The following RASSF8 variants were observed in gnomAD, a reference collection of about 807,000 sequenced individuals.
RASSF8 encodes ras association domain-containing protein 8.
RASSF8 carries 22 observed loss-of-function variants against 48.5 expected under a neutral mutation model. The ratio of observed to expected loss-of-function variants is 0.45; its 90% CI spans 0.32 to 0.65. RASSF8 has a LOEUF of 0.65. RASSF8 is among the 30% of genes least tolerant of loss of function. RASSF8 has a pLI of 0.03. For missense variants in RASSF8, 418 were observed against 489.2 expected (o/e 0.85, Z 1.37); for synonymous variants, 127 against 171.5 (o/e 0.74, Z 2.03).
rs1309077276 is a variant in RASSF8, at chr12:26,070,483, A to G, written c.*1665A>G. 1.0e-6 allele frequency: 1 copy of G among 985,010 alleles called. No individual in the cohort carries two copies. The highest frequency in any genetic ancestry group is 1.2e-6 in the Non-Finnish European group (1 of 829,662). 61.0% of individuals were successfully genotyped at this position (985,010 alleles called of 1,614,324 possible). A position where few individuals can be genotyped will look rare whatever the true frequency, so the allele number is the denominator to read the frequency against. ...TGAGTTTCTTTGGGTTCTTGGAGTTATCAAATTGATCTTGCCATTATGTTA... is the reference window on the plus strand; with the variant it reads ...TGAGTTTCTTTGGGTTCTTGGAGTTGTCAAATTGATCTTGCCATTATGTTA... On this transcript the variant is annotated 3_prime_UTR_variant, in exon 6 of 6. Coordinates refer to ENST00000689635, the MANE Select transcript of RASSF8 (RefSeq NM_001394098.1).
intron 1 of RASSF8, among the ~76,000 whole-genome samples, chr12:25,988,018 A>AT (rs758560310): frequency 0.12 from 16,290 of 137,828 alleles, 994 homozygotes; most frequent in Middle Eastern, 0.14. Flanking sequence ...TGCCTGGCTA[A>AT]TTTTTTTTTT....
chr12:26,031,187 A>AT (rs918344524), intron 2 of RASSF8, among the ~76,000 whole-genome samples: 140 of 150,410 alleles, frequency 9.3e-4, no homozygotes, highest in South Asian at 3.6e-3. Context: ...CCCCTGCCCC[A>AT]TTTTTTTTTG....
chr12:26,060,814 AAAGAAT>A (rs1395500484), intron 3 of RASSF8, among the ~76,000 whole-genome samples: 2 of 152,208 alleles, frequency 1.3e-5, no homozygotes, highest in African/African-American at 4.8e-5. Context: ...CTCCATAGAT[AAAGAAT>A]AAGTCAGGTG....
intron 2 of RASSF8, among the ~76,000 whole-genome samples, chr12:26,044,089 C>T (rs1451197687): frequency 2.0e-5 from 3 of 152,196 alleles, no homozygotes; most frequent in Non-Finnish European, 4.4e-5. Flanking sequence ...TGAACACTGT[C>T]CCAATACTAT....
At chr12:26,040,066 A>G (rs1943231714) in intron 2 of RASSF8, among the ~76,000 whole-genome samples, 1 of 152,194 alleles carries the variant, frequency 6.6e-6, no homozygotes, top group Non-Finnish European at 1.5e-5. Flanking sequence ...TCTCAGCGCC[A>G]TTTATTTGAG....
chr12:26,046,786 A>G (rs1028599742), intron 2 of RASSF8, among the ~76,000 whole-genome samples: 3 of 152,262 alleles, frequency 2.0e-5, no homozygotes, highest in African/African-American at 7.2e-5. Flanking sequence ...GTTAGTTTTC[A>G]ATGAAGGTAC....
In RASSF8 at chr12:25,985,502, GGCCT is replaced by G. The variant is rs201022649; in HGVS notation, c.-202-9534_-202-9531del. ...GCAGGGGTCCAGTTCATCTGGCCAG[GGCCT>G]TAGCTCTGTGTAAACAAGGAGGGGT... On this transcript the variant is annotated intron_variant, in intron 1 of 5. Coordinates refer to ENST00000689635, the MANE Select transcript of RASSF8 (RefSeq NM_001394098.1). Among the ~76,000 whole-genome samples, 620 of 152,320 alleles carry G rather than the reference GGCCT, an allele frequency of 4.1e-3. 4 individuals are homozygous for G. The highest frequency in any genetic ancestry group is 0.014 in the African/African-American group (573 of 41,560).
At chr12:26,058,318 TATTA>T (rs1239369644) in intron 3 of RASSF8, among the ~76,000 whole-genome samples, 1 of 152,216 alleles carries the variant, frequency 6.6e-6, no homozygotes, top group African/African-American at 2.4e-5. Context: ...GGTGAGAGTT[TATTA>T]ATTAGAGAAA....
At chr12:26,027,248 A>G (rs2729634) in intron 2 of RASSF8, among the ~76,000 whole-genome samples, 57,956 of 152,076 alleles carry the variant, frequency 0.38, 11,701 homozygotes, top group Non-Finnish European at 0.45. Flanking sequence ...GGTAATGAGA[A>G]TGTCCCAAAA....
chr12:25,998,063 C>T (rs762212824), intron 2 of RASSF8, among the ~76,000 whole-genome samples: 2 of 152,068 alleles, frequency 1.3e-5, no homozygotes, highest in African/African-American at 2.4e-5. Context: ...AAGAAATTGC[C>T]ATATCCATTG....
chr12:26,064,399 G>A (rs1281709457), intron 3 of RASSF8, 99 bp from the exon 4 acceptor site: 6 of 1,223,380 alleles, frequency 4.9e-6, no homozygotes, highest in Middle Eastern at 2.9e-4. Context: ...ACCCTCTGAT[G>A]CTAATCGAAA....
intron 1 of RASSF8, among the ~76,000 whole-genome samples, chr12:25,989,733 G>A (rs1408228703): frequency 6.6e-6 from 1 of 152,178 alleles, no homozygotes; most frequent in African/African-American, 2.4e-5. Flanking sequence ...TAACAAGGAT[G>A]CATTTCAATT....
chr12:26,013,574 A>G (rs565152930), intron 2 of RASSF8, among the ~76,000 whole-genome samples: 3 of 152,262 alleles, frequency 2.0e-5, no homozygotes, highest in African/African-American at 2.4e-5. Context: ...AGAAATCATA[A>G]TCATGGAGTT....
At chr12:25,962,650 C>G (rs1458601924) in intron 1 of RASSF8, among the ~76,000 whole-genome samples, 1 of 152,002 alleles carries the variant, frequency 6.6e-6, no homozygotes, top group African/African-American at 2.4e-5. Flanking sequence ...TCTTAAACTC[C>G]TGGCCTCAAG....
At position 26,070,702 on chromosome 12, in the gene RASSF8, T is replaced by C; in HGVS notation, c.*1884T>C. On this transcript the variant is annotated 3_prime_UTR_variant, in exon 6 of 6. Transcript: ENST00000689635. ...TGCCTTATTTTTAAATAAGTCATTC[T>C]GTATAAAGTCATTTTGTTGTTGTTC... The C allele has an allele frequency of 1.1e-6, 1 of 949,560 alleles. No individual in the cohort carries two copies. Among genetic ancestry groups the C allele is most frequent in the Non-Finnish European group, 1.3e-6 (1 of 798,378 alleles). The allele number at this position is 949,560 out of a possible 1,614,324, so 58.8% of individuals were successfully genotyped here. A position where few individuals can be genotyped will look rare whatever the true frequency, so the allele number is the denominator to read the frequency against.
At chr12:26,061,901 A>T (rs1943751709) in intron 3 of RASSF8, among the ~76,000 whole-genome samples, 1 of 152,210 alleles carries the variant, frequency 6.6e-6, no homozygotes, top group African/African-American at 2.4e-5. Flanking sequence ...TGCATTATTT[A>T]ACAAAAGCCA....
intron 1 of RASSF8, among the ~76,000 whole-genome samples, chr12:25,981,587 T>TACCATGCACTGATAAATTGTATGGTC (rs1438921816): frequency 6.6e-6 from 1 of 152,238 alleles, no homozygotes; most frequent in Non-Finnish European, 1.5e-5. Context: ...CAGATGCATT[T>TACCATGCACTGATAAATTGTATGGTC]ACCATGCACT....
At chr12:26,003,358 G>C (rs75711932) in intron 2 of RASSF8, among the ~76,000 whole-genome samples, 9 of 152,080 alleles carry the variant, frequency 5.9e-5, no homozygotes, top group Admixed American at 5.9e-4. Context: ...CAGTGGGCTC[G>C]TGTTTTGTTG....
At position 26,061,440 on chromosome 12, in the gene RASSF8, G is replaced by A. The variant is rs191999791; in HGVS notation, c.104-3058G>A. Among the ~76,000 whole-genome samples the A allele has an allele frequency of 2.3e-3, 353 of 152,142 alleles. 4 individuals carry two copies. Among genetic ancestry groups the A allele is most frequent in the Non-Finnish European group, 6.9e-4 (47 of 67,966 alleles). On this transcript the variant is annotated intron_variant, in intron 3 of 5. Coordinates refer to ENST00000689635, the MANE Select transcript of RASSF8 (RefSeq NM_001394098.1). Reference sequence around the variant, plus strand: ...ATGATTCTTGGGATTAGTCTCAGTTGCTTCAATATTTAAAAGTATAATTAA... The same window carrying A: ...ATGATTCTTGGGATTAGTCTCAGTTACTTCAATATTTAAAAGTATAATTAA...
Sources: gnomAD v4.1 joint callset for allele counts (sites outside exome capture counted in the v4.1 genomes callset) on GRCh38, gnomAD v4.1.1 for gene constraint, MANE v1.5 for transcripts, NCBI Gene and HGNC (gene_info 2026-07-23, HGNC 2026-07-21) for gene names.